The following PACRG variants were observed in gnomAD, a reference collection of about 807,000 sequenced individuals.
PACRG encodes parkin coregulated gene protein.
Under a neutral mutation model 29.7 loss-of-function variants are expected in PACRG, and 29 were observed. The ratio of observed to expected loss-of-function variants is 0.98; its 90% confidence interval spans 0.73 to 1.33. The LOEUF is 1.33. Among genes scored for constraint, PACRG ranks in the 40% most tolerant of loss-of-function variants. The pLI is 0.00. For synonymous variants in PACRG, 116 were observed against 118.7 expected (o/e 0.98, Z 0.15); for missense variants, 279 against 316.2 (o/e 0.88, Z 0.89).
chr6:162,907,816 C>T (rs2128070615), intron 2 of PACRG, among the ~76,000 whole-genome samples: 1 of 152,282 alleles, frequency 6.6e-6, no homozygotes, highest in South Asian at 2.1e-4. Context: ...CGTCTGTCCT[C>T]ATAGCAAACT....
intron 2 of PACRG, among the ~76,000 whole-genome samples, chr6:162,896,626 A>T (rs1471613255): frequency 1.3e-5 from 2 of 152,248 alleles, no homozygotes; most frequent in Non-Finnish European, 2.9e-5. Flanking sequence ...AGGGTATATT[A>T]TAAACGTATC....
intron 4 of PACRG, among the ~76,000 whole-genome samples, chr6:163,288,248 A>G (rs1412770838): frequency 2.0e-5 from 3 of 152,212 alleles, no homozygotes; most frequent in Admixed American, 6.5e-5. Context: ...TTCAGCCACA[A>G]GAATTTTAAA....
intron 4 of PACRG, among the ~76,000 whole-genome samples, chr6:163,235,988 A>T (rs1260764878): frequency 6.6e-6 from 1 of 152,096 alleles, no homozygotes; most frequent in East Asian, 1.9e-4. Context: ...AAACTGGCAA[A>T]CTTTCTGCTC....
chr6:163,055,882 T>C lies in PACRG; in HGVS notation c.292-6268T>C, dbSNP rs1230274439. ...CCCCAGCTCTTAAGCAGCCACTTTC[T>C]GTCTCTTGGATTTGTCTATTCCGAA... On this transcript the variant is annotated intron_variant, in intron 2 of 4. Transcript: ENST00000366888. This position sits in a 1 kb window ranked among gnomAD's most constrained non-coding sequence, Gnocchi z 4.0. Among the ~76,000 whole-genome samples the C allele has an allele frequency of 2.0e-5, 3 of 152,192 alleles. No individual in the cohort carries two copies. The highest frequency in any genetic ancestry group is 7.2e-5 in the African/African-American group (3 of 41,448).
chr6:163,273,600 A>G (rs1320232560), intron 4 of PACRG, among the ~76,000 whole-genome samples: 2 of 152,098 alleles, frequency 1.3e-5, no homozygotes, highest in African/African-American at 2.4e-5. Flanking sequence ...CAAATTTCAA[A>G]TGTATTTGCA....
intron 3 of PACRG, among the ~76,000 whole-genome samples, chr6:163,082,259 T>G (rs562364618): frequency 6.6e-6 from 1 of 152,188 alleles, no homozygotes; most frequent in South Asian, 2.1e-4. Flanking sequence ...GACAAGAAAA[T>G]TGAAGACATA....
intron 1 of PACRG, among the ~76,000 whole-genome samples, chr6:162,813,035 C>T (rs1228850686): frequency 6.6e-6 from 1 of 151,804 alleles, no homozygotes; most frequent in Non-Finnish European, 1.5e-5. Context: ...TTCTTAATAC[C>T]ACACTTAATT....
chr6:162,749,765 C>T (rs1781379150), intron 1 of PACRG, among the ~76,000 whole-genome samples: 1 of 152,122 alleles, frequency 6.6e-6, no homozygotes, highest in Non-Finnish European at 1.5e-5. Flanking sequence ...GATGATCTGC[C>T]CGCCTCGGCC....
intron 2 of PACRG, among the ~76,000 whole-genome samples, chr6:163,013,854 T>C (rs1485768221): frequency 1.4e-5 from 2 of 147,324 alleles, no homozygotes; most frequent in South Asian, 4.2e-4. Flanking sequence ...TTAAAATTAG[T>C]TTTTGAGGTT....
intron 3 of PACRG, among the ~76,000 whole-genome samples, chr6:163,086,611 A>G (rs963487801): frequency 4.6e-5 from 7 of 152,124 alleles, no homozygotes; most frequent in Admixed American, 1.3e-4. Context: ...TTCATGCAAC[A>G]AACCCTAGTT....
intron 2 of PACRG, among the ~76,000 whole-genome samples, chr6:162,995,801 G>T (rs1032252471): frequency 1.3e-5 from 2 of 152,182 alleles, no homozygotes; most frequent in African/African-American, 2.4e-5. Flanking sequence ...ATATCCTGTT[G>T]TGTGTATATA....
chr6:163,132,287 C>G (rs534857806), intron 4 of PACRG, among the ~76,000 whole-genome samples: 1 of 152,236 alleles, frequency 6.6e-6, no homozygotes, highest in Non-Finnish European at 1.5e-5. Context: ...ATTTACTCAT[C>G]AGTAAATTTA....
At chr6:162,966,477 A>ATTT (rs67914954) in intron 2 of PACRG, among the ~76,000 whole-genome samples, 207 of 125,168 alleles carry the variant, frequency 1.7e-3, no homozygotes, top group African/African-American at 4.1e-3. Context: ...AATGACATGT[A>ATTT]TTTTTTTTTT....
chr6:163,125,879 T>G (rs1344327325), intron 4 of PACRG, among the ~76,000 whole-genome samples: 1 of 152,212 alleles, frequency 6.6e-6, no homozygotes, highest in East Asian at 1.9e-4. Context: ...TTTTCTGAAA[T>G]AGTAAATATT....
intron 3 of PACRG, among the ~76,000 whole-genome samples, chr6:163,070,961 T>C (rs1052198230): frequency 6.6e-6 from 1 of 151,884 alleles, no homozygotes; most frequent in African/African-American, 2.4e-5. Context: ...AACAAAGATA[T>C]AATGATAAAG....
chr6:162,841,380 C>T (rs958698378), intron 2 of PACRG, among the ~76,000 whole-genome samples: 1 of 151,914 alleles, frequency 6.6e-6, no homozygotes, highest in Non-Finnish European at 1.5e-5. Flanking sequence ...AGTTTATTTG[C>T]ATAGAGGTGT....
At position 162,737,434 on chromosome 6, in the gene PACRG, C is replaced by A. The variant is rs545176436; in HGVS notation, c.156+9043C>A. Among the ~76,000 whole-genome samples, 407 of 152,268 alleles carry A rather than the reference C, an allele frequency of 2.7e-3. 2 individuals are homozygous for A. The highest frequency in any genetic ancestry group is 8.9e-3 in the African/African-American group (369 of 41,534). ...GTACATAGTATGATGGGGAAGATCT[C>A]AGAAAACTATTTTCTAGATGGCTAC... On this transcript the variant is annotated intron_variant, in intron 1 of 4. Transcript: ENST00000366888.
intron 2 of PACRG, among the ~76,000 whole-genome samples, chr6:162,936,011 A>C (rs1484032312): frequency 6.6e-6 from 1 of 152,202 alleles, no homozygotes; most frequent in East Asian, 1.9e-4. Flanking sequence ...TACAAAAGAA[A>C]GAGGTTTAAT....
chr6:163,191,731 A>T, intron 4 of PACRG: 2 of 455,982 alleles, frequency 4.4e-6, no homozygotes, highest in Non-Finnish European at 8.8e-6. Context: ...CATCTTCTCC[A>T]CTCCCACTCA....
Sources: allele counts gnomAD v4.1 joint callset (sites outside exome capture counted in the v4.1 genomes callset), GRCh38; gene constraint gnomAD v4.1.1; non-coding constraint Gnocchi (gnomAD v3.1); transcripts MANE v1.5; gene names NCBI Gene and HGNC (gene_info 2026-07-23, HGNC 2026-07-21).